The following ZPLD1 variants were observed in gnomAD, a reference collection of about 807,000 sequenced individuals.
ZPLD1 encodes zona pellucida-like domain-containing protein 1.
Under a neutral mutation model 47.2 loss-of-function variants are expected in ZPLD1, and 34 were observed. The observed-to-expected ratio is 0.72, with a 90% CI of 0.55 to 0.96. The LOEUF (loss-of-function observed/expected upper bound fraction) is 0.96. Among genes scored for constraint, ZPLD1 ranks in the 40% least tolerant of loss-of-function variants. The pLI, the probability that ZPLD1 is intolerant of heterozygous loss-of-function variation, is 0.00. For synonymous variants in ZPLD1, 176 were observed against 186.2 expected, an observed-to-expected ratio of 0.95 and a Z score of 0.45; for missense variants, 512 against 505.8, an observed-to-expected ratio of 1.01 and a Z score of -0.12.
intron 6 of ZPLD1, among the ~76,000 whole-genome samples, chr3:102,388,854 T>G (rs1031064806): frequency 6.6e-6 from 1 of 152,150 alleles, no homozygotes; most frequent in Admixed American, 6.5e-5. Flanking sequence ...ACTTCTGATT[T>G]TTTTGTCCAA....
At chr3:102,430,336 C>G (rs180991134), upstream of ZPLD1, among the ~76,000 whole-genome samples, 1 of 152,348 alleles carries the variant, frequency 6.6e-6, no homozygotes, top group East Asian at 1.9e-4. Context: ...CACCTGCCAT[C>G]TAAATTAGGA....
At chr3:102,456,581 C>CTA (rs1707420504) in intron 5 of ZPLD1, among the ~76,000 whole-genome samples, 1 of 138,692 alleles carries the variant, frequency 7.2e-6, no homozygotes, top group African/African-American at 2.6e-5. Flanking sequence ...ATCTATCTAT[C>CTA]TATCTATCTA....
At chr3:102,438,780 TTCA>T (rs113295993) in intron 3 of ZPLD1, among the ~76,000 whole-genome samples, 187 bp downstream of exon 3, 2,034 of 152,282 alleles carry the variant, frequency 0.013, 49 homozygotes, top group African/African-American at 0.046. Context: ...ATACAAAGTG[TTCA>T]TCATAGTTAA....
chr3:102,411,686 T>G lies in ZPLD1; in HGVS notation c.-156-6374T>G, dbSNP rs188808255. ...GAATAATGAGTCAACTCAAATAGAA[T>G]GAAGTTTATTGTGAATAAATATAAT... On this transcript the variant is annotated intron_variant, in intron 7 of 17. Coordinates refer to the ZPLD1 transcript ENST00000491959. Among the ~76,000 whole-genome samples the G allele has an allele frequency of 4.4e-3, 669 of 151,864 alleles. 5 individuals carry two copies. Among genetic ancestry groups the G allele is most frequent in the Non-Finnish European group, 7.6e-3 (515 of 67,800 alleles).
chr3:102,405,287 C>A (rs1706668676), intron 7 of ZPLD1, among the ~76,000 whole-genome samples: 1 of 151,942 alleles, frequency 6.6e-6, no homozygotes, highest in Admixed American at 6.6e-5. Context: ...TTACCCAACA[C>A]CCACAAGATT....
intron 7 of ZPLD1, among the ~76,000 whole-genome samples, chr3:102,398,743 C>A (rs1028148691): frequency 6.6e-6 from 1 of 152,118 alleles, no homozygotes; most frequent in Non-Finnish European, 1.5e-5. Flanking sequence ...AAAGATCATG[C>A]CTTTTAAATG....
At chr3:102,427,898 T>G (rs949145735) in intron 8 of ZPLD1, among the ~76,000 whole-genome samples, 3 of 152,196 alleles carry the variant, frequency 2.0e-5, no homozygotes, top group Admixed American at 6.5e-5. Flanking sequence ...TAAAAAACTT[T>G]CACTACCCCT....
At chr3:102,423,667 G>A (rs534530558) in intron 8 of ZPLD1, among the ~76,000 whole-genome samples, 1 of 152,058 alleles carries the variant, frequency 6.6e-6, no homozygotes, top group Admixed American at 6.6e-5. Context: ...CATTATTACA[G>A]TACAAGAGGG....
chr3:102,453,203 G>A, intron 4 of ZPLD1, 64 bp downstream of exon 4: 1 of 1,383,676 alleles, frequency 7.2e-7, no homozygotes, highest in South Asian at 1.2e-5. Context: ...CCCATTTCAT[G>A]AAAGAATAAG....
At chr3:102,411,706 T>C (rs1361222623) in intron 7 of ZPLD1, among the ~76,000 whole-genome samples, 1 of 151,792 alleles carries the variant, frequency 6.6e-6, no homozygotes, top group Non-Finnish European at 1.5e-5. Flanking sequence ...TGTGAATAAA[T>C]ATAATTTCTT....
chr3:102,422,078 C>CA (rs1409929176), intron 8 of ZPLD1, among the ~76,000 whole-genome samples: 1 of 151,940 alleles, frequency 6.6e-6, no homozygotes, highest in Non-Finnish European at 1.5e-5. Context: ...TAAATGTTGA[C>CA]ACACTTAATT....
intron 7 of ZPLD1, among the ~76,000 whole-genome samples, chr3:102,400,385 T>A (rs1043231285): frequency 6.6e-6 from 1 of 152,052 alleles, no homozygotes; most frequent in Non-Finnish European, 1.5e-5. Flanking sequence ...TTAGAGGTAC[T>A]GGAATAAAAA....
At chr3:102,456,590 T>TATCTATC (rs1356882299) in intron 5 of ZPLD1, among the ~76,000 whole-genome samples, 2 of 148,000 alleles carry the variant, frequency 1.4e-5, no homozygotes, top group East Asian at 3.9e-4. Flanking sequence ...TCTATCTATC[T>TATCTATC]ATCTCTAATT....
At chr3:102,403,197 A>C (rs1706643787) in intron 7 of ZPLD1, among the ~76,000 whole-genome samples, 1 of 151,848 alleles carries the variant, frequency 6.6e-6, no homozygotes, top group Non-Finnish European at 1.5e-5. Context: ...TATATTTACT[A>C]TTGTGGATGC....
At chr3:102,440,388 A>T (rs1707157309) in intron 3 of ZPLD1, among the ~76,000 whole-genome samples, 1 of 152,138 alleles carries the variant, frequency 6.6e-6, no homozygotes, top group African/African-American at 2.4e-5. Context: ...TGGAGAATTG[A>T]TTTGGTTTGG....
At chr3:102,476,761 C>T (rs568589784) in intron 10 of ZPLD1, among the ~76,000 whole-genome samples, 1 of 151,936 alleles carries the variant, frequency 6.6e-6, no homozygotes, top group East Asian at 1.9e-4. Context: ...ATTTGTATAC[C>T]TAGGGCAGGG....
chr3:102,472,531 C>CAAAAAAAAAAAA (rs374641646), intron 10 of ZPLD1, among the ~76,000 whole-genome samples: 1 of 85,402 alleles, frequency 1.2e-5, no homozygotes. Flanking sequence ...GACTCTGTCT[C>CAAAAAAAAAAAA]AAAAAAAAAA....
chr3:102,451,362 T>G (rs982720794), intron 3 of ZPLD1, among the ~76,000 whole-genome samples: 2 of 152,234 alleles, frequency 1.3e-5, no homozygotes, highest in Non-Finnish European at 2.9e-5. Context: ...TTATTTTGTT[T>G]GGTTTTCCTC....
chr3:102,450,959 G>A (rs536171535), intron 3 of ZPLD1, among the ~76,000 whole-genome samples: 6 of 152,178 alleles, frequency 3.9e-5, no homozygotes, highest in African/African-American at 1.4e-4. Context: ...TTATTTTCTA[G>A]GTTGGCAAAG....
Sources: gnomAD v4.1 joint callset for allele counts (sites outside exome capture counted in the v4.1 genomes callset) on GRCh38, gnomAD v4.1.1 for gene constraint, MANE v1.5 for transcripts, NCBI Gene and HGNC (gene_info 2026-07-23, HGNC 2026-07-21) for gene names.